FARS2: variants seen among roughly 807,000 people sequenced by gnomAD.
FARS2 encodes phenylalanyl-tRNA synthetase 2, mitochondrial.
Under a neutral mutation model 46.4 loss-of-function variants are expected in FARS2, and 40 were observed. That is an observed-to-expected ratio of 0.86 (90% confidence interval 0.67 to 1.12). The LOEUF (loss-of-function observed/expected upper bound fraction) is 1.12. Among genes scored for constraint, FARS2 ranks in the 50% most tolerant of loss-of-function variants. The pLI, the probability that FARS2 is intolerant of heterozygous loss-of-function variation, is 0.00. For synonymous variants in FARS2, 234 were observed against 214.9 expected (o/e 1.09, Z -0.78); for missense variants, 513 against 567.9 (o/e 0.90, Z 0.98).
intron 4 of FARS2, among the ~76,000 whole-genome samples, chr6:5,457,696 T>C (rs1313585031): frequency 6.6e-6 from 1 of 152,244 alleles, no homozygotes; most frequent in Non-Finnish European, 1.5e-5. Context: ...AATTCCTGGA[T>C]AGTTGAATTT....
intron 6 of FARS2, among the ~76,000 whole-genome samples, chr6:5,754,810 AGTT>A (rs1489095747): frequency 6.6e-6 from 1 of 152,126 alleles, no homozygotes; most frequent in Non-Finnish European, 1.5e-5. Context: ...TTTCTTCTCT[AGTT>A]ATTTCCAAGG....
chr6:5,653,220 C>G (rs1243121776), intron 6 of FARS2, among the ~76,000 whole-genome samples: 1 of 152,050 alleles, frequency 6.6e-6, no homozygotes, highest in Non-Finnish European at 1.5e-5. Flanking sequence ...ATTAATGAAC[C>G]TGAATTCTCT....
chr6:5,723,965 C>T (rs931463091), intron 6 of FARS2, among the ~76,000 whole-genome samples: 16 of 102,032 alleles, frequency 1.6e-4, no homozygotes, highest in Non-Finnish European at 2.6e-4. Context: ...CCCTGCAGAG[C>T]GGTGGCCACG....
chr6:5,374,268 GA>G (rs1293213529), intron 2 of FARS2, among the ~76,000 whole-genome samples: 9 of 152,040 alleles, frequency 5.9e-5, no homozygotes, highest in Admixed American at 4.6e-4. Context: ...GGAAAAGACT[GA>G]AGGAAAACAC....
chr6:5,684,524 G>A (rs758298977), intron 6 of FARS2, among the ~76,000 whole-genome samples: 131 of 152,200 alleles, frequency 8.6e-4, no homozygotes, highest in African/African-American at 2.8e-3. Flanking sequence ...CAAATGCTGC[G>A]CTTTATTTCC....
At position 5,708,063 on chromosome 6, in the gene FARS2, C is replaced by T. The variant is rs56162795; in HGVS notation, c.1218-63228C>T. 8.9e-3 allele frequency among the ~76,000 whole-genome samples: 1,347 copies of T among 152,152 alleles called. 24 individuals carry two copies. Among genetic ancestry groups the T allele is most frequent in the African/African-American group, 0.031 (1,265 of 41,468 alleles). On this transcript the variant is annotated intron_variant, in intron 6 of 6. Transcript: ENST00000274680. ...AGGTGGAACAGGTCAGAGGGGGCTA[C>T]TGTGGGTAGGATGAAAACATGTGGG...
At chr6:5,645,454 GCTC>G (rs2150748075) in intron 6 of FARS2, among the ~76,000 whole-genome samples, 1 of 152,312 alleles carries the variant, frequency 6.6e-6, no homozygotes, top group South Asian at 2.1e-4. Context: ...CGAGTGCCAA[GCTC>G]CTCCTCTGTC....
At chr6:5,367,767 G>A (rs1481904815) in intron 1 of FARS2, among the ~76,000 whole-genome samples, 1 of 152,112 alleles carries the variant, frequency 6.6e-6, no homozygotes, top group African/African-American at 2.4e-5. Context: ...TTTGCCAAAG[G>A]TGTAATTGAG....
intron 5 of FARS2, among the ~76,000 whole-genome samples, chr6:5,608,513 G>GT (rs1232022085): frequency 2.0e-5 from 3 of 152,030 alleles, no homozygotes; most frequent in South Asian, 2.1e-4. Context: ...TGTATCTGTA[G>GT]TTTTTTTTGA....
chr6:5,279,727 C>T lies in FARS2; in HGVS notation c.-22+18067C>T, dbSNP rs935095396. On this transcript the variant is annotated intron_variant, in intron 1 of 6. Coordinates refer to ENST00000274680, the MANE Select transcript of FARS2 (RefSeq NM_006567.5). ...GGATGGTGTAAGTTCTAGTCCAGGT[C>T]CAAGTTCAAAGGCAGGAGAAGGCCA... Among the ~76,000 whole-genome samples, 16 of 152,034 alleles carry T rather than the reference C, an allele frequency of 1.1e-4. No homozygotes were observed. The East Asian group carries it at 2.9e-3, about 28-fold the overall frequency.
chr6:5,336,162 T>G (rs1771143351), intron 1 of FARS2, among the ~76,000 whole-genome samples: 1 of 152,168 alleles, frequency 6.6e-6, no homozygotes, highest in African/African-American at 2.4e-5. Context: ...TGTGTTTTAT[T>G]TTTATTTTTC....
At position 5,419,753 on chromosome 6, in the gene FARS2, C is replaced by T. The variant is rs1020277449; in HGVS notation, c.773-11288C>T. ...ACAGTATTTGACTTCCTTCTGGCAC[C>T]GTCATGGAGCTTATCCCATCCCAGC... is the stretch of plus-strand genomic sequence containing the variant. On this transcript the variant is annotated intron_variant, in intron 3 of 6. Coordinates refer to ENST00000274680, the MANE Select transcript of FARS2 (RefSeq NM_006567.5). Among the ~76,000 whole-genome samples the T allele has an allele frequency of 3.2e-4, 49 of 152,204 alleles. 1 individual carries two copies. Among genetic ancestry groups the T allele is most frequent in the East Asian group, 1.9e-4 (1 of 5,164 alleles).
intron 1 of FARS2, among the ~76,000 whole-genome samples, chr6:5,289,032 ATC>A (rs1245032803): frequency 6.6e-6 from 1 of 152,230 alleles, no homozygotes; most frequent in African/African-American, 2.4e-5. Flanking sequence ...TTTCTTCACA[ATC>A]AGCATGCCCT....
chr6:5,537,097 A>G (rs1420253907), intron 4 of FARS2, among the ~76,000 whole-genome samples: 1 of 152,126 alleles, frequency 6.6e-6, no homozygotes, highest in Non-Finnish European at 1.5e-5. Context: ...TACAGGCTGC[A>G]CTTGCCTTGA....
intron 4 of FARS2, among the ~76,000 whole-genome samples, chr6:5,470,427 T>C (rs1765747648): frequency 6.6e-6 from 1 of 152,110 alleles, no homozygotes; most frequent in African/African-American, 2.4e-5. Context: ...CTGGAACCAG[T>C]CCCCTGCAGA....
rs117151882 is a variant in FARS2 at position 5,525,455 on chromosome 6, C to T, written c.905-19725C>T. Among the ~76,000 whole-genome samples, 134 of 152,282 alleles carry T rather than the reference C, an allele frequency of 8.8e-4. 2 individuals carry two copies. In the East Asian group the frequency reaches 0.02, roughly 22 times the overall value. On this transcript the variant is annotated intron_variant, in intron 4 of 6. Coordinates refer to ENST00000274680, the MANE Select transcript of FARS2 (RefSeq NM_006567.5). ...AGGTTTTATTGTAAGTAGTTGCACA[C>T]AGCTGAGAGGCTCAGGCCCTGGAGA...
At chr6:5,287,839 C>G (rs796797675) in intron 1 of FARS2, among the ~76,000 whole-genome samples, 8 of 152,188 alleles carry the variant, frequency 5.3e-5, no homozygotes, top group African/African-American at 1.9e-4. Context: ...TTGTTTTTTT[C>G]AAGAGATGAC....
chr6:5,619,972 C>A (rs1561757248), intron 6 of FARS2, among the ~76,000 whole-genome samples: 1 of 152,160 alleles, frequency 6.6e-6, no homozygotes, highest in Non-Finnish European at 1.5e-5. Context: ...TACATTTTCC[C>A]AATCATGACT....
chr6:5,599,329 A>G lies in FARS2; in HGVS notation c.1066-13840A>G, dbSNP rs186555723. On this transcript the variant is annotated intron_variant, in intron 5 of 6. Coordinates refer to ENST00000274680, the MANE Select transcript of FARS2 (RefSeq NM_006567.5). ...TTAAAGTACATGATGGCACAAGACCATGACGATACAGAAAAGAAATGCTAT... is the reference window on the plus strand; with the variant it reads ...TTAAAGTACATGATGGCACAAGACCGTGACGATACAGAAAAGAAATGCTAT... Among the ~76,000 whole-genome samples the G allele has an allele frequency of 2.4e-3, 372 of 152,102 alleles. 1 individual carries two copies. Among genetic ancestry groups the G allele is most frequent in the Non-Finnish European group, 3.5e-3 (237 of 67,958 alleles).
Sources: allele counts gnomAD v4.1 joint callset (sites outside exome capture counted in the v4.1 genomes callset), GRCh38; gene constraint gnomAD v4.1.1; transcripts MANE v1.5; gene names NCBI Gene and HGNC (gene_info 2026-07-23, HGNC 2026-07-21).